MYNN: variants seen among roughly 807,000 people sequenced by gnomAD.
MYNN encodes myoneurin.
A neutral mutation model predicts 57.2 loss-of-function variants in MYNN; 22 were observed. The ratio of observed to expected loss-of-function variants is 0.38; its 90% CI spans 0.27 to 0.55. The LOEUF (loss-of-function observed/expected upper bound fraction) is 0.55, where lower values mean the gene tolerates loss of function less well. Ranked by LOEUF, MYNN falls within the 20% of genes least tolerant of loss-of-function variation. The pLI is 0.71. For synonymous variants in MYNN, 241 were observed against 257.1 expected (o/e 0.94, Z 0.60); for missense variants, 566 against 723.1 (o/e 0.78, Z 2.49).
intron 2 of MYNN, among the ~76,000 whole-genome samples, chr3:169,775,750 C>T (rs1778319910): frequency 6.6e-6 from 1 of 152,124 alleles, no homozygotes; most frequent in African/African-American, 2.4e-5. Flanking sequence ...CCCCTGTTAA[C>T]CTTTTGATAT....
Position 169,784,636 on chromosome 3 carries a change from A to G in MYNN, c.1498A>G (p.Ile500Val), listed in dbSNP as rs1387940622. ...FRSHTGERPFICELCGNSYTD... is the reference protein window; with the variant it reads ...FRSHTGERPFVCELCGNSYTD... ...TTGTTTTTCAGGAGAAAGACCATTT[A>G]TCTGCGAATTATGTGGAAATTCTTA... is the stretch of plus-strand genomic sequence containing the variant. Residue 500 changes from isoleucine (I) to valine (V), a missense_variant, in exon 7 of 8, where the codon ATC becomes GTC. Around this residue, in one of 4 missense-constraint regions of MYNN, gnomAD observed 156 missense variants for 163.9 expected, o/e 0.95. Transcript: ENST00000349841. The G allele has an allele frequency of 5.1e-6, 8 of 1,571,586 alleles. No individual in the cohort carries two copies. Among genetic ancestry groups the G allele is most frequent in the Non-Finnish European group, 6.9e-6 (8 of 1,158,318 alleles).
At position 169,782,557 on chromosome 3, in the gene MYNN, C is replaced by G; in HGVS notation, c.1313C>G (p.Thr438Ser). ...STLTYHVRRH[T>S]GEKPYVCDTC... Reference sequence around the variant, plus strand: ...CTGACCTATCATGTCCGTAGGCATACTGGAGAAAAGCCTTATGTATGTGAT... The same window carrying G: ...CTGACCTATCATGTCCGTAGGCATAGTGGAGAAAAGCCTTATGTATGTGAT... The change falls in exon 5 of 8, where the codon ACT becomes AGT. Residue 438 changes from threonine (T) to serine (S), a missense_variant. This residue lies in a region of MYNN where 123 missense variants were observed against 222.6 expected (regional missense o/e 0.55). Transcript: ENST00000349841. This position sits in a 1 kb window ranked among gnomAD's most constrained non-coding sequence, Gnocchi z 4.8. 6.2e-7 allele frequency: 1 copy of G among 1,613,944 alleles called. No individual in the cohort carries two copies. Among genetic ancestry groups the G allele is most frequent in the Non-Finnish European group, 8.5e-7 (1 of 1,179,866 alleles).
At chr3:169,774,981 GGT>G (rs1463288060) in intron 2 of MYNN, among the ~76,000 whole-genome samples, 1 of 152,082 alleles carries the variant, frequency 6.6e-6, no homozygotes, top group Non-Finnish European at 1.5e-5. Context: ...TGGGACTACA[GGT>G]GTGCACTACC....
Position 169,788,699 on chromosome 3 carries a change from AGATT to A in MYNN, c.*2028_*2031del, listed in dbSNP as rs557599347. 36 of 152,278 alleles carry A rather than the reference AGATT, an allele frequency of 2.4e-4. No homozygotes were observed. The highest frequency in any genetic ancestry group is 7.7e-4 in the East Asian group (4 of 5,188). 9.4% of individuals were successfully genotyped at this position (152,278 alleles called of 1,614,324 possible). The stretch of plus-strand genomic sequence containing the variant: ...TTATTTGATACGATTGAAGTGGCTA[AGATT>A]GATTGAGCTTTTCTTGATCACATTT... On this transcript the variant is annotated 3_prime_UTR_variant, in exon 8 of 8. Transcript: ENST00000349841.
At position 169,779,494 on chromosome 3, in the gene MYNN, C is replaced by T; in HGVS notation, c.993C>T (p.Val331=). Residue 331 remains valine, a synonymous_variant, in exon 3 of 8, where the codon GTC becomes GTT. Coordinates refer to ENST00000349841, the MANE Select transcript of MYNN (RefSeq NM_018657.5). ...TACATAAAGGAGTCAAACCTTACGT[C>T]TGCCACTTATGTGGAAAGGCATTTA... is the stretch of plus-strand genomic sequence containing the variant. ...MRIHKGVKPY[V]CHLCGKAFTQ... is the part of the protein sequence containing the mutation. 1 of 1,614,212 alleles carries T rather than the reference C, an allele frequency of 6.2e-7. No homozygotes were observed. Among genetic ancestry groups the T allele is most frequent in the Non-Finnish European group, 8.5e-7 (1 of 1,180,040 alleles).
rs772915137 is a variant in MYNN, at chr3:169,783,497, G to A, written c.1420G>A (p.Gly474Ser). 1 of 1,609,210 alleles carries A rather than the reference G, an allele frequency of 6.2e-7. No individual in the cohort carries two copies. Among genetic ancestry groups the A allele is most frequent in the South Asian group, 1.1e-5 (1 of 90,784 alleles). ...KHTGEKPYIC[G>S]ICGKSFISSG... ...TCTAGGTGAAAAACCATACATATGT[G>A]GTATTTGTGGGAAAAGTTTTATTTC... The change falls in exon 6 of 8, where the codon GGT becomes AGT. Residue 474 changes from glycine (G) to serine (S), a missense_variant. By Grantham distance (56) the Gly-to-Ser change is moderately conservative. Transcript: ENST00000349841.
intron 4 of MYNN, among the ~76,000 whole-genome samples, 177 bp downstream of exon 4, chr3:169,780,926 G>T (rs1403618568): frequency 6.6e-6 from 1 of 152,146 alleles, no homozygotes; most frequent in African/African-American, 2.4e-5. Flanking sequence ...ATAAGCAGGG[G>T]GTGGGGACTA....
At chr3:169,774,130 A>G (rs1490962319) in intron 1 of MYNN, 135 bp from the exon 2 acceptor site, 1 of 646,532 alleles carries the variant, frequency 1.5e-6, no homozygotes, top group African/African-American at 1.8e-5. Flanking sequence ...TCATCCCTTC[A>G]TTCTTAACCA....
chr3:169,783,401 A>T (rs1427982042), intron 5 of MYNN, 76 bp from the exon 6 acceptor site: 19 of 814,582 alleles, frequency 2.3e-5, no homozygotes, highest in Non-Finnish European at 3.8e-5. Context: ...AGAAAAGCTT[A>T]CTTTAGATTA....
chr3:169,779,574 T>C lies in MYNN; in HGVS notation c.1060+13T>C. On this transcript the variant is annotated intron_variant, in intron 3 of 7. Coordinates refer to ENST00000349841, the MANE Select transcript of MYNN (RefSeq NM_018657.5). ...AGAACTCATACAGGTGAGACGGGTGTGTGGGGAGATATTATTTTTATACTG... is the reference window on the plus strand; with the variant it reads ...AGAACTCATACAGGTGAGACGGGTGCGTGGGGAGATATTATTTTTATACTG... The C allele has an allele frequency of 6.2e-7, 1 of 1,605,782 alleles. No homozygotes were observed. The highest frequency in any genetic ancestry group is 8.5e-7 in the Non-Finnish European group (1 of 1,175,120).
At position 169,779,558 on chromosome 3, in the gene MYNN, A is replaced by G. The variant is rs752211561; in HGVS notation, c.1057A>G (p.Thr353Ala). The G allele has an allele frequency of 6.2e-7, 1 of 1,613,142 alleles. No homozygotes were observed. ...NQLKTHVRTHTGEKPYKCELC... is the reference protein window; with the variant it reads ...NQLKTHVRTHAGEKPYKCELC... ...GCTGAAAACGCATGTAAGAACTCATACAGGTGAGACGGGTGTGTGGGGAGA... is the reference window on the plus strand; with the variant it reads ...GCTGAAAACGCATGTAAGAACTCATGCAGGTGAGACGGGTGTGTGGGGAGA... Residue 353 changes from threonine (T) to alanine (A), a missense_variant, in exon 3 of 8, where the codon ACA becomes GCA. Thr to Ala is a moderately conservative substitution (Grantham distance 58, BLOSUM62 0). Transcript: ENST00000349841.
intron 2 of MYNN, among the ~76,000 whole-genome samples, chr3:169,775,257 A>C (rs1020144463): frequency 2.0e-5 from 3 of 152,194 alleles, no homozygotes; most frequent in Admixed American, 1.3e-4. Context: ...GGTTCTGAGG[A>C]ATCTGATAAT....
chr3:169,786,641 C>A lies in MYNN; in HGVS notation c.1796C>A (p.Ser599Ter). 1 of 1,613,194 alleles carries A rather than the reference C, an allele frequency of 6.2e-7. No individual in the cohort carries two copies. Among genetic ancestry groups the A allele is most frequent in the South Asian group, 1.1e-5 (1 of 91,038 alleles). ...TTGAGGTCAACTGTGAATGGGTATT[C>A]AGAACCACAGTTGATTTTTTTACAA... ...TLLRSTVNGY[S>*]EPQLIFLQQL... The change falls in exon 8 of 8, where the codon TCA (serine) becomes TAA (stop). Residue 599 changes from serine (S) to a stop codon, truncating the protein, a stop_gained. Coordinates refer to ENST00000349841, the MANE Select transcript of MYNN (RefSeq NM_018657.5). LOFTEE classifies it high-confidence loss of function.
chr3:169,776,012 ATCT>A, intron 2 of MYNN, among the ~76,000 whole-genome samples: 1 of 152,326 alleles, frequency 6.6e-6, no homozygotes, highest in East Asian at 1.9e-4. Flanking sequence ...GTATAATGAA[ATCT>A]TCAAGTGAGT....
intron 6 of MYNN, 97 bp from the exon 7 acceptor site, chr3:169,784,523 CTA>C (rs1577401215): frequency 4.1e-6 from 3 of 732,062 alleles, no homozygotes; most frequent in Non-Finnish European, 2.3e-6. Flanking sequence ...AATTTAAACA[CTA>C]TAATAATTTT....
intron 4 of MYNN, among the ~76,000 whole-genome samples, chr3:169,781,059 G>C (rs1182219451): frequency 1.3e-5 from 2 of 152,210 alleles, no homozygotes; most frequent in African/African-American, 4.8e-5. Flanking sequence ...GGAATCTATA[G>C]ATAAAACCCA....
intron 2 of MYNN, among the ~76,000 whole-genome samples, chr3:169,776,141 A>T (rs1249939896): frequency 6.6e-6 from 1 of 152,224 alleles, no homozygotes; most frequent in East Asian, 1.9e-4. Context: ...ATTTGAATAC[A>T]CGGTAGAGCA....
At chr3:169,781,193 G>A (rs1778504259) in intron 4 of MYNN, among the ~76,000 whole-genome samples, 1 of 152,208 alleles carries the variant, frequency 6.6e-6, no homozygotes, top group African/African-American at 2.4e-5. Flanking sequence ...GTGAAGTCTG[G>A]AAGAGAGTCA....
Position 169,778,702 on chromosome 3 carries a change from A to G in MYNN, c.267-66A>G, listed in dbSNP as rs1037518812. On this transcript the variant is annotated intron_variant, in intron 2 of 7. Transcript: ENST00000349841. The stretch of plus-strand genomic sequence containing the variant: ...GTCTTTAAAATACATTGAAGTATAT[A>G]TGCAGCTCTGTTTCGAAAGTTTTTC... 57 of 1,267,276 alleles carry G rather than the reference A, an allele frequency of 4.5e-5. 1 individual carries two copies. Among genetic ancestry groups the G allele is most frequent in the Non-Finnish European group, 5.9e-5 (54 of 908,778 alleles). The allele number at this position is 1,267,276 out of a possible 1,614,324, so 78.5% of individuals were successfully genotyped here.
Sources: gnomAD v4.1 joint callset for allele counts (sites outside exome capture counted in the v4.1 genomes callset) on GRCh38, gnomAD v4.1.1 for gene constraint, gnomAD v4.1.1 regional missense constraint, Gnocchi (gnomAD v3.1) non-coding constraint, MANE v1.5 for transcripts, NCBI Gene and HGNC (gene_info 2026-07-23, HGNC 2026-07-21) for gene names.